The following ADK variants were observed in gnomAD, a reference collection of about 807,000 sequenced individuals.
The protein encoded by ADK is N6,N6-dimethyladenosine kinase.
Under a neutral mutation model 44.7 loss-of-function variants are expected in ADK, and 24 were observed. That is an observed-to-expected ratio of 0.54 (90% CI 0.39 to 0.76). The LOEUF (loss-of-function observed/expected upper bound fraction) is 0.76, where lower values mean the gene tolerates loss of function less well. Ranked by LOEUF, ADK falls within the 30% of genes least tolerant of loss-of-function variation. ADK has a pLI of 0.00. For synonymous variants in ADK, 128 were observed against 142.6 expected (o/e 0.90, Z 0.73); for missense variants, 321 against 425.1 (o/e 0.76, Z 2.15).
chr10:74,349,136 AG>A (rs1171242405), intron 4 of ADK, among the ~76,000 whole-genome samples: 1 of 152,194 alleles, frequency 6.6e-6, no homozygotes, highest in Non-Finnish European at 1.5e-5. Flanking sequence ...GTTGAAATGA[AG>A]GAAAAAATGT....
chr10:74,421,262 C>T lies in ADK; in HGVS notation c.555+22683C>T, dbSNP rs117208442. ...TAGTTGGTAAATTTGTTTCTCATAA[C>T]GGTATGGGTGAACAGTTCTGAACCT... On this transcript the variant is annotated intron_variant, in intron 6 of 10. Coordinates refer to ENST00000539909, the MANE Select transcript of ADK (RefSeq NM_006721.4). Among the ~76,000 whole-genome samples the T allele has an allele frequency of 3.0e-4, 46 of 152,126 alleles. 1 individual carries two copies. In the East Asian group the frequency reaches 7.3e-3, roughly 24 times the overall value.
intron 9 of ADK, among the ~76,000 whole-genome samples, chr10:74,669,287 AAG>A (rs1855085253): frequency 6.6e-6 from 1 of 152,168 alleles, no homozygotes; most frequent in Non-Finnish European, 1.5e-5. Context: ...ACTGAAGTTT[AAG>A]AGTCTTTAGC....
At chr10:74,249,266 T>C (rs562522561) in intron 3 of ADK, among the ~76,000 whole-genome samples, 2 of 152,344 alleles carry the variant, frequency 1.3e-5, no homozygotes, top group African/African-American at 4.8e-5. Flanking sequence ...GAAAATAGTG[T>C]TCTTACTATT....
intron 6 of ADK, among the ~76,000 whole-genome samples, chr10:74,403,980 T>A (rs1246283144): frequency 6.6e-6 from 1 of 152,142 alleles, no homozygotes; most frequent in African/African-American, 2.4e-5. Context: ...CACACCATTC[T>A]CCTTGCCTTA....
intron 9 of ADK, among the ~76,000 whole-genome samples, chr10:74,665,767 GAGAGAGAGAGAGAGACAGAC>G (rs1174284315): frequency 1.1e-4 from 16 of 149,752 alleles, no homozygotes; most frequent in African/African-American, 4.0e-4. Flanking sequence ...GAGAGAGAGA[GAGAGAGAGAGAGAGACAGAC>G]AGACAGAAGG....
intron 7 of ADK, among the ~76,000 whole-genome samples, chr10:74,579,734 C>A (rs770710098): frequency 2.0e-5 from 3 of 152,158 alleles, no homozygotes; most frequent in Non-Finnish European, 1.5e-5. Context: ...AGCACACACA[C>A]TGGATATCTG....
At chr10:74,529,959 A>G (rs1849216734) in intron 7 of ADK, among the ~76,000 whole-genome samples, 2 of 152,174 alleles carry the variant, frequency 1.3e-5, no homozygotes, top group Non-Finnish European at 2.9e-5. Context: ...TTGCTTAAGT[A>G]AACAGTGATT....
intron 3 of ADK, among the ~76,000 whole-genome samples, chr10:74,286,546 CAATT>C (rs1564633678): frequency 6.6e-6 from 1 of 152,200 alleles, no homozygotes; most frequent in African/African-American, 2.4e-5. Flanking sequence ...AACTGTGTAA[CAATT>C]TATTTTTTGG....
intron 7 of ADK, among the ~76,000 whole-genome samples, chr10:74,534,805 G>A (rs1323572824): frequency 6.6e-6 from 1 of 152,184 alleles, no homozygotes; most frequent in Non-Finnish European, 1.5e-5. Context: ...AGTACCAAGT[G>A]CATGAGGGAA....
chr10:74,635,850 A>G (rs1244782834), intron 9 of ADK, among the ~76,000 whole-genome samples: 2 of 151,986 alleles, frequency 1.3e-5, no homozygotes, highest in African/African-American at 4.8e-5. Flanking sequence ...TTGGGTGGCC[A>G]AGGTAGAAGA....
rs1439548734 is a variant in ADK, at chr10:74,151,236, G to A, written c.-43G>A. 6.5e-7 allele frequency: 1 copy of A among 1,547,286 alleles called. No homozygotes were observed. Among genetic ancestry groups the A allele is most frequent in the Non-Finnish European group, 8.7e-7 (1 of 1,144,860 alleles). On this transcript the variant is annotated 5_prime_UTR_variant, in exon 1 of 11. Coordinates refer to ENST00000539909, the MANE Select transcript of ADK (RefSeq NM_006721.4). ...AGGGGGCGGGACCAGAGAGTGGATG[G>A]CAGAGGTGGGCTGTAGAGCCAAAGT...
intron 9 of ADK, among the ~76,000 whole-genome samples, chr10:74,633,911 A>C (rs986074167): frequency 2.2e-4 from 34 of 152,214 alleles, no homozygotes; most frequent in African/African-American, 8.0e-4. Context: ...AGTTTAGGTA[A>C]AAAGTGAGTG....
chr10:74,295,565 A>G (rs1483440567), intron 3 of ADK, among the ~76,000 whole-genome samples: 1 of 151,980 alleles, frequency 6.6e-6, no homozygotes, highest in Non-Finnish European at 1.5e-5. Flanking sequence ...CATTCTTTAA[A>G]TGGTGTCTTT....
intron 6 of ADK, among the ~76,000 whole-genome samples, chr10:74,445,185 A>G (rs1055652072): frequency 2.2e-4 from 34 of 152,012 alleles, no homozygotes; most frequent in African/African-American, 6.5e-4. Flanking sequence ...ATTTATAGAC[A>G]TTATATACAG....
At chr10:74,631,331 A>G (rs1853413953) in intron 9 of ADK, among the ~76,000 whole-genome samples, 2 of 150,450 alleles carry the variant, frequency 1.3e-5, no homozygotes, top group South Asian at 4.2e-4. Flanking sequence ...CTGGAGTGCA[A>G]TGGCGCAACC....
At chr10:74,174,299 CTG>C (rs1325961974) in intron 1 of ADK, 1 of 119,772 alleles carries the variant, frequency 8.3e-6, no homozygotes, top group African/African-American at 3.3e-5. Context: ...GGGTGATAGA[CTG>C]AGACTCCATC....
At chr10:74,458,305 T>TG (rs1344201211) in intron 6 of ADK, among the ~76,000 whole-genome samples, 1 of 147,492 alleles carries the variant, frequency 6.8e-6, no homozygotes, top group African/African-American at 2.5e-5. Flanking sequence ...TTTTGTTTTT[T>TG]TTTTTTTTTT....
At chr10:74,665,779 G>GAC (rs1554895068) in intron 9 of ADK, among the ~76,000 whole-genome samples, 103 of 138,976 alleles carry the variant, frequency 7.4e-4, no homozygotes, top group African/African-American at 2.5e-3. Flanking sequence ...GAGAGAGAGA[G>GAC]AGACAGACAG....
At chr10:74,176,236 G>C (rs1842332973) in intron 1 of ADK, among the ~76,000 whole-genome samples, 1 of 152,132 alleles carries the variant, frequency 6.6e-6, no homozygotes, top group Non-Finnish European at 1.5e-5. Context: ...TCCAGCAATT[G>C]ACTCTCAAAG....
Sources: allele counts gnomAD v4.1 joint callset (sites outside exome capture counted in the v4.1 genomes callset), GRCh38; gene constraint gnomAD v4.1.1; transcripts MANE v1.5; gene names NCBI Gene and HGNC (gene_info 2026-07-23, HGNC 2026-07-21).